GRAMD2B: variants seen among roughly 807,000 people sequenced by gnomAD.
GRAMD2B encodes the protein GRAM domain containing 2B.
Under a neutral mutation model 59.2 loss-of-function variants are expected in GRAMD2B, and 41 were observed. The ratio of observed to expected loss-of-function variants is 0.69; its 90% CI spans 0.54 to 0.90. GRAMD2B has a LOEUF of 0.90. GRAMD2B is among the 40% of genes least tolerant of loss of function. GRAMD2B has a pLI of 0.00. For missense variants in GRAMD2B, 424 were observed against 500.5 expected (o/e 0.85, Z 1.46); for synonymous variants, 161 against 182.7 (o/e 0.88, Z 0.96).
intron 1 of GRAMD2B, among the ~76,000 whole-genome samples, chr5:126,448,348 A>G (rs1471935971): frequency 6.6e-6 from 1 of 152,066 alleles, no homozygotes; most frequent in Non-Finnish European, 1.5e-5. Context: ...GCAAGGGACC[A>G]CAGAGAAGGC....
intron 1 of GRAMD2B, among the ~76,000 whole-genome samples, chr5:126,397,934 G>A (rs1757503265): frequency 6.6e-6 from 1 of 151,058 alleles, no homozygotes. Flanking sequence ...AATTTAAGAT[G>A]GACTGCTATT....
chr5:126,488,648 T>C (rs900287080), intron 12 of GRAMD2B, 151 bp from the exon 13 acceptor site: 14 of 491,746 alleles, frequency 2.8e-5, no homozygotes, highest in African/African-American at 6.0e-5. Context: ...AGTTGCGGAT[T>C]ACTGCAGGGC....
At chr5:126,439,447 C>T (rs377158788) in intron 1 of GRAMD2B, among the ~76,000 whole-genome samples, 5 of 150,176 alleles carry the variant, frequency 3.3e-5, no homozygotes, top group Non-Finnish European at 5.9e-5. Flanking sequence ...GTGCATCAGT[C>T]ACCCAAGTAG....
intron 1 of GRAMD2B, among the ~76,000 whole-genome samples, chr5:126,399,209 A>C (rs1176746407): frequency 6.6e-6 from 1 of 152,164 alleles, no homozygotes; most frequent in Non-Finnish European, 1.5e-5. Context: ...GTATCCTACT[A>C]TTATAGTATT....
upstream of GRAMD2B, among the ~76,000 whole-genome samples, chr5:126,421,973 G>C (rs1021136573): frequency 2.0e-5 from 3 of 152,150 alleles, no homozygotes; most frequent in Non-Finnish European, 4.4e-5. Context: ...GTTGCCACTT[G>C]TAATTGTTTT....
intron 1 of GRAMD2B, among the ~76,000 whole-genome samples, chr5:126,407,944 TA>T (rs1212711954): frequency 6.6e-6 from 1 of 152,002 alleles, no homozygotes; most frequent in African/African-American, 2.4e-5. Flanking sequence ...AGTATCTTTT[TA>T]TTTTTTTTTA....
At chr5:126,451,659 T>A (rs1400699133) in intron 1 of GRAMD2B, among the ~76,000 whole-genome samples, 1 of 152,174 alleles carries the variant, frequency 6.6e-6, no homozygotes, top group Non-Finnish European at 1.5e-5. Context: ...GAAAGTATGA[T>A]TGTATTTTGC....
At chr5:126,478,348 G>A (rs1370074693) in intron 6 of GRAMD2B, among the ~76,000 whole-genome samples, 1 of 152,170 alleles carries the variant, frequency 6.6e-6, no homozygotes, top group Non-Finnish European at 1.5e-5. Flanking sequence ...TGAGGTAGGA[G>A]AATCACTTGA....
chr5:126,405,739 T>C lies in GRAMD2B; in HGVS notation c.125+34172T>C, dbSNP rs191048143. On this transcript the variant is annotated intron_variant, in intron 1 of 8. Transcript: ENST00000506445. ...TCTAAGTTGCCATCCTGCTATTTTA[T>C]ATTAAAACACCGTTTGCTTTTCTTG... 3.8e-4 allele frequency among the ~76,000 whole-genome samples: 57 copies of C among 151,966 alleles called. No homozygotes were observed. In the South Asian group the frequency reaches 4.1e-3, roughly 11 times the overall value.
intron 1 of GRAMD2B, among the ~76,000 whole-genome samples, chr5:126,386,090 T>G (rs892517768): frequency 6.6e-6 from 1 of 152,158 alleles, no homozygotes; most frequent in African/African-American, 2.4e-5. Context: ...AAAATAAAAC[T>G]CTCCAGGATT....
chr5:126,425,747 A>G (rs905579604), intron 1 of GRAMD2B, among the ~76,000 whole-genome samples: 1 of 152,232 alleles, frequency 6.6e-6, no homozygotes, highest in Admixed American at 6.5e-5. Flanking sequence ...GCCTGGACAC[A>G]GAGTGAGACC....
chr5:126,475,366 T>C (rs552819601), intron 5 of GRAMD2B, among the ~76,000 whole-genome samples: 42 of 152,332 alleles, frequency 2.8e-4, no homozygotes, highest in Non-Finnish European at 4.1e-4. Context: ...AATCTAAATT[T>C]CTAGCCCTTT....
At chr5:126,461,093 G>T (rs1253791790) in intron 1 of GRAMD2B, among the ~76,000 whole-genome samples, 3 of 152,112 alleles carry the variant, frequency 2.0e-5, no homozygotes, top group Admixed American at 6.5e-5. Flanking sequence ...CACCTTCTTG[G>T]ACTGAACCAC....
At chr5:126,465,618 T>C in intron 2 of GRAMD2B, 73 bp downstream of exon 2, 3 of 1,411,504 alleles carry the variant, frequency 2.1e-6, no homozygotes, top group South Asian at 2.5e-5. Flanking sequence ...GAGCAGGGGT[T>C]TTTTGTTAAG....
chr5:126,439,987 G>A lies in GRAMD2B; in HGVS notation c.83+16298G>A, dbSNP rs978668606. On this transcript the variant is annotated intron_variant, in intron 1 of 13. Transcript: ENST00000285689. Reference sequence around the variant, plus strand: ...CTTCCACCGTGATTGTGAGGCCTCCGCAGTCATGTGGAACAGTGACTCCAT... The same window carrying A: ...CTTCCACCGTGATTGTGAGGCCTCCACAGTCATGTGGAACAGTGACTCCAT... 1.4e-4 allele frequency among the ~76,000 whole-genome samples: 21 copies of A among 151,804 alleles called. No homozygotes were observed. In the East Asian group the frequency reaches 1.9e-3, roughly 14 times the overall value.
At chr5:126,428,623 C>T (rs1032276068) in intron 1 of GRAMD2B, among the ~76,000 whole-genome samples, 6 of 152,122 alleles carry the variant, frequency 3.9e-5, no homozygotes, top group African/African-American at 1.4e-4. Context: ...CAGGTGTGAC[C>T]TGGCAAGTTA....
chr5:126,434,921 C>A (rs1762169430), intron 1 of GRAMD2B, among the ~76,000 whole-genome samples: 1 of 152,174 alleles, frequency 6.6e-6, no homozygotes. Context: ...CCTGAGCATA[C>A]CTATGGACAA....
chr5:126,436,815 AATG>A (rs1376652377), intron 1 of GRAMD2B, among the ~76,000 whole-genome samples: 4 of 152,202 alleles, frequency 2.6e-5, no homozygotes, highest in Admixed American at 2.6e-4. Context: ...TCTTGGAAGA[AATG>A]ATGATATCTG....
intron 1 of GRAMD2B, among the ~76,000 whole-genome samples, chr5:126,384,461 G>T (rs138558349): frequency 6.6e-6 from 1 of 152,164 alleles, no homozygotes; most frequent in Admixed American, 6.5e-5. Context: ...GTATAATCCC[G>T]GAGAAAGGGA....
Sources: allele counts gnomAD v4.1 joint callset (sites outside exome capture counted in the v4.1 genomes callset), GRCh38; gene constraint gnomAD v4.1.1; transcripts MANE v1.5; gene names NCBI Gene and HGNC (gene_info 2026-07-23, HGNC 2026-07-21).